Variants in GRM8 observed in about 807,000 individuals in gnomAD.
GRM8 encodes glutamate metabotropic receptor 8.
GRM8 carries 47 observed loss-of-function variants against 87.2 expected under a neutral mutation model. The observed-to-expected ratio is 0.54, with a 90% CI of 0.43 to 0.69. The LOEUF is 0.69. Ranked by LOEUF, GRM8 falls within the 30% of genes least tolerant of loss-of-function variation. The pLI is 0.00. For synonymous variants in GRM8, 396 were observed against 404.5 expected (o/e 0.98, Z 0.25); for missense variants, 1,019 against 1,139.2 (o/e 0.89, Z 1.52).
chr7:127,098,829 C>G (rs954266594), intron 3 of GRM8, among the ~76,000 whole-genome samples: 10 of 152,104 alleles, frequency 6.6e-5, no homozygotes, highest in African/African-American at 2.4e-4. Flanking sequence ...ATTCTGCCCC[C>G]TGTAATGTAT....
intron 3 of GRM8, among the ~76,000 whole-genome samples, chr7:127,022,721 A>G (rs1816398526): frequency 6.6e-6 from 1 of 152,142 alleles, no homozygotes; most frequent in African/African-American, 2.4e-5. Flanking sequence ...GTAATGCAAG[A>G]GTATTATACT....
At chr7:126,674,314 G>A (rs192096516) in intron 7 of GRM8, among the ~76,000 whole-genome samples, 5 of 152,254 alleles carry the variant, frequency 3.3e-5, no homozygotes, top group East Asian at 1.9e-4. Context: ...AGCTGATAAC[G>A]TTTACTGTGA....
intron 3 of GRM8, among the ~76,000 whole-genome samples, chr7:126,950,957 A>T (rs1808075223): frequency 6.6e-6 from 1 of 150,806 alleles, no homozygotes; most frequent in Non-Finnish European, 1.5e-5. Context: ...TGCTTCTTTT[A>T]TAATAATATT....
At chr7:127,011,115 G>C (rs1036918498) in intron 3 of GRM8, among the ~76,000 whole-genome samples, 2 of 151,938 alleles carry the variant, frequency 1.3e-5, no homozygotes, top group Non-Finnish European at 2.9e-5. Flanking sequence ...GTAATATTTA[G>C]GAGACATTTC....
chr7:126,791,326 C>A (rs1821291229), intron 6 of GRM8, among the ~76,000 whole-genome samples: 1 of 152,206 alleles, frequency 6.6e-6, no homozygotes, highest in Non-Finnish European at 1.5e-5. Flanking sequence ...CTTGCTTTCA[C>A]AACACAGACC....
At chr7:126,520,299 T>C (rs1812789297) in intron 9 of GRM8, among the ~76,000 whole-genome samples, 1 of 152,130 alleles carries the variant, frequency 6.6e-6, no homozygotes, top group Non-Finnish European at 1.5e-5. Flanking sequence ...ATAAATAACA[T>C]GATTTGGCAT....
intron 3 of GRM8, among the ~76,000 whole-genome samples, chr7:127,001,589 G>A (rs17862258): frequency 0.33 from 50,298 of 151,394 alleles, 9,404 homozygotes; most frequent in African/African-American, 0.52. Flanking sequence ...TAGAACGAGT[G>A]GAATTCTCAT....
chr7:127,206,066 CA>C (rs1469603831), intron 2 of GRM8, among the ~76,000 whole-genome samples: 1 of 152,208 alleles, frequency 6.6e-6, no homozygotes, highest in African/African-American at 2.4e-5. Context: ...AGGACACCAG[CA>C]CCAGAACCAG....
At chr7:126,507,759 C>G (rs1437009035) in intron 9 of GRM8, among the ~76,000 whole-genome samples, 1 of 151,966 alleles carries the variant, frequency 6.6e-6, no homozygotes, top group Non-Finnish European at 1.5e-5. Context: ...ATTAACAATT[C>G]CTTCTTTTTC....
chr7:126,564,478 AATCT>A (rs1264299348), intron 8 of GRM8, among the ~76,000 whole-genome samples: 2 of 152,188 alleles, frequency 1.3e-5, no homozygotes, highest in African/African-American at 2.4e-5. Flanking sequence ...TAAACCAGAT[AATCT>A]AAAAGAAATG....
At chr7:127,123,481 T>C (rs982531530) in intron 2 of GRM8, among the ~76,000 whole-genome samples, 2 of 152,130 alleles carry the variant, frequency 1.3e-5, no homozygotes, top group Non-Finnish European at 2.9e-5. Flanking sequence ...TTCCTCTCTG[T>C]GTGTGACCTC....
At chr7:126,624,505 T>G (rs1800475588) in intron 7 of GRM8, among the ~76,000 whole-genome samples, 1 of 152,232 alleles carries the variant, frequency 6.6e-6, no homozygotes, top group Non-Finnish European at 1.5e-5. Context: ...ATTGCCTTCA[T>G]AGTACTTTTA....
At chr7:126,767,386 T>G (rs896435872) in intron 7 of GRM8, among the ~76,000 whole-genome samples, 2 of 152,142 alleles carry the variant, frequency 1.3e-5, no homozygotes, top group African/African-American at 4.8e-5. Flanking sequence ...CTGCTTTTGC[T>G]GTAAAATTTT....
chr7:126,817,202 A>G (rs530341227), intron 6 of GRM8, among the ~76,000 whole-genome samples: 321 of 133,434 alleles, frequency 2.4e-3, no homozygotes, highest in Admixed American at 2.7e-3. Flanking sequence ...GATTACTTCT[A>G]TATTTTTGAC....
At chr7:126,638,408 A>C (rs779785923) in intron 7 of GRM8, among the ~76,000 whole-genome samples, 4 of 152,240 alleles carry the variant, frequency 2.6e-5, no homozygotes, top group Non-Finnish European at 4.4e-5. Flanking sequence ...TGTAAAATGC[A>C]AAAGAATTAT....
intron 9 of GRM8, among the ~76,000 whole-genome samples, chr7:126,508,828 T>C (rs958453994): frequency 2.6e-5 from 4 of 152,074 alleles, no homozygotes; most frequent in Admixed American, 1.3e-4. Context: ...GAGGAACTTT[T>C]CAATCCTAGA....
intron 3 of GRM8, among the ~76,000 whole-genome samples, chr7:127,001,062 T>C (rs1813683793): frequency 2.0e-5 from 3 of 151,742 alleles, no homozygotes; most frequent in Admixed American, 2.0e-4. Context: ...ATAGTATTGG[T>C]GTTAACCGTA....
chr7:126,697,514 T>G (rs1445475924), intron 7 of GRM8, among the ~76,000 whole-genome samples: 4 of 152,170 alleles, frequency 2.6e-5, no homozygotes, highest in Non-Finnish European at 4.4e-5. Context: ...AAGCATCATG[T>G]TGTATGCCTT....
rs556764504 is a variant in GRM8 at position 126,999,470 on chromosome 7, A to C, written c.728-94787T>G. On this transcript the variant is annotated intron_variant, in intron 3 of 10. Coordinates refer to ENST00000339582, the MANE Select transcript of GRM8 (RefSeq NM_000845.3). Reference sequence around the variant, plus strand: ...AAAAGATAACCCACAGAATAGGAGAAGATATTTATAAACTACCCATATGAT... The same window carrying C: ...AAAAGATAACCCACAGAATAGGAGACGATATTTATAAACTACCCATATGAT... 2.0e-3 allele frequency among the ~76,000 whole-genome samples: 310 copies of C among 152,058 alleles called. 1 individual carries two copies. The highest frequency in any genetic ancestry group is 7.1e-3 in the African/African-American group (297 of 41,544).
Sources: allele counts gnomAD v4.1 joint callset (sites outside exome capture counted in the v4.1 genomes callset), GRCh38; gene constraint gnomAD v4.1.1; transcripts MANE v1.5; gene names NCBI Gene and HGNC (gene_info 2026-07-23, HGNC 2026-07-21).